MDGA2: variants seen among roughly 807,000 people sequenced by gnomAD.
The protein encoded by MDGA2 is MAM domain containing glycosylphosphatidylinositol anchor 2.
MDGA2 carries 40 observed loss-of-function variants against 117.8 expected under a neutral mutation model. The ratio of observed to expected loss-of-function variants is 0.34; its 90% CI spans 0.26 to 0.44. The LOEUF (loss-of-function observed/expected upper bound fraction) is 0.44, where lower values mean the gene tolerates loss of function less well. MDGA2 is among the 20% of genes least tolerant of loss of function. The pLI is 1.00. For synonymous variants in MDGA2, 452 were observed against 439.0 expected (o/e 1.03, Z -0.37); for missense variants, 1,123 against 1,250.6 (o/e 0.90, Z 1.54).
chr14:47,671,186 A>G (rs1330956559), intron 1 of MDGA2, among the ~76,000 whole-genome samples: 2 of 152,210 alleles, frequency 1.3e-5, no homozygotes, highest in Admixed American at 6.5e-5. Context: ...GTGACACCAT[A>G]TATAAATCTT....
At chr14:47,094,206 G>A (rs1345519565) in intron 6 of MDGA2, among the ~76,000 whole-genome samples, 1 of 151,950 alleles carries the variant, frequency 6.6e-6, no homozygotes, top group African/African-American at 2.4e-5. Context: ...TGAATTATGT[G>A]AATGCCACTG....
At chr14:47,259,178 T>C (rs1055707335) in intron 2 of MDGA2, among the ~76,000 whole-genome samples, 3 of 152,094 alleles carry the variant, frequency 2.0e-5, no homozygotes, top group African/African-American at 7.2e-5. Context: ...TTGCTCAGTA[T>C]GTGGATTTTT....
At chr14:47,112,724 T>C (rs1452097327) in intron 5 of MDGA2, among the ~76,000 whole-genome samples, 2 of 152,160 alleles carry the variant, frequency 1.3e-5, no homozygotes, top group South Asian at 2.1e-4. Context: ...ATCTTTATAA[T>C]AGAATGATTT....
intron 1 of MDGA2, among the ~76,000 whole-genome samples, chr14:47,327,651 T>C (rs1259340919): frequency 1.3e-5 from 2 of 152,204 alleles, no homozygotes; most frequent in East Asian, 1.9e-4. Flanking sequence ...TCACATCGTA[T>C]AATGCAAATT....
chr14:47,268,792 A>G (rs1293833656), intron 2 of MDGA2, among the ~76,000 whole-genome samples: 2 of 152,240 alleles, frequency 1.3e-5, no homozygotes, highest in Non-Finnish European at 2.9e-5. Flanking sequence ...CATTCTCTGC[A>G]TTAATGAAGC....
intron 3 of MDGA2, among the ~76,000 whole-genome samples, chr14:47,204,769 A>C (rs1885622957): frequency 6.6e-6 from 1 of 151,946 alleles, no homozygotes; most frequent in African/African-American, 2.4e-5. Flanking sequence ...GCTAAAAAGG[A>C]AAATGTGCTA....
chr14:46,943,318 G>T (rs913856900), intron 9 of MDGA2, among the ~76,000 whole-genome samples: 1 of 151,872 alleles, frequency 6.6e-6, no homozygotes, highest in African/African-American at 2.4e-5. Flanking sequence ...GTATCTTGTA[G>T]ATAGTGCATT....
chr14:47,020,439 T>G (rs533438283), intron 8 of MDGA2, among the ~76,000 whole-genome samples: 1 of 152,336 alleles, frequency 6.6e-6, no homozygotes, highest in South Asian at 2.1e-4. Flanking sequence ...GAATGTCTTA[T>G]GTAGAATTCT....
intron 1 of MDGA2, among the ~76,000 whole-genome samples, chr14:47,514,556 A>G (rs1894712149): frequency 6.6e-6 from 1 of 152,134 alleles, no homozygotes; most frequent in South Asian, 2.1e-4. Context: ...CTGGGACTAG[A>G]ATGATACCCA....
chr14:47,561,153 GTTTT>G (rs1895798299), intron 1 of MDGA2, among the ~76,000 whole-genome samples: 1 of 63,908 alleles, frequency 1.6e-5, no homozygotes, highest in African/African-American at 3.8e-5. Flanking sequence ...TTTTTTTTTT[GTTTT>G]GTTTTGTTTT....
At position 46,855,717 on chromosome 14, in the gene MDGA2, G is replaced by A. The variant is rs1414233995; in HGVS notation, c.2753-563C>T. 6.6e-6 allele frequency among the ~76,000 whole-genome samples: 1 copy of A among 152,068 alleles called. No homozygotes were observed. The highest frequency in any genetic ancestry group is 1.5e-5 in the Non-Finnish European group (1 of 67,998). ...CAGAATGATAAGCTAATAAATTTGTGTTGTTTTAGATCATGAAGTTGGTGA... is the reference window on the plus strand; with the variant it reads ...CAGAATGATAAGCTAATAAATTTGTATTGTTTTAGATCATGAAGTTGGTGA... On this transcript the variant is annotated intron_variant, in intron 14 of 16. Transcript: ENST00000399232. The surrounding 1 kb of genome is among the most constrained non-coding windows in gnomAD (Gnocchi z 4.1).
chr14:47,056,053 A>ATT (rs906606152), intron 7 of MDGA2, among the ~76,000 whole-genome samples: 9 of 152,130 alleles, frequency 5.9e-5, no homozygotes, highest in African/African-American at 2.2e-4. Context: ...CTGTCAGGGT[A>ATT]TTTTATGTGA....
At chr14:47,433,253 G>C (rs1446223830) in intron 1 of MDGA2, among the ~76,000 whole-genome samples, 1 of 151,974 alleles carries the variant, frequency 6.6e-6, no homozygotes, top group Non-Finnish European at 1.5e-5. Flanking sequence ...AAACAGCAGA[G>C]TTGTCCTTCT....
At chr14:47,346,319 G>A (rs187955745) in intron 1 of MDGA2, among the ~76,000 whole-genome samples, 101 of 152,116 alleles carry the variant, frequency 6.6e-4, no homozygotes, top group Non-Finnish European at 1.3e-3. Context: ...TCCAATAAGC[G>A]GTAACTATTA....
At chr14:47,631,720 G>A (rs983410103) in intron 1 of MDGA2, among the ~76,000 whole-genome samples, 9 of 151,962 alleles carry the variant, frequency 5.9e-5, no homozygotes, top group African/African-American at 2.2e-4. Flanking sequence ...CACTTTCCAG[G>A]CTTTTTCTCC....
Position 46,942,947 on chromosome 14 carries a change from TA to T in MDGA2, c.2089+14426del, listed in dbSNP as rs370692099. 1.2e-3 allele frequency among the ~76,000 whole-genome samples: 177 copies of T among 152,244 alleles called. 1 individual carries two copies. Among genetic ancestry groups the T allele is most frequent in the African/African-American group, 4.1e-3 (170 of 41,578 alleles). On this transcript the variant is annotated intron_variant, in intron 9 of 16. Coordinates refer to ENST00000399232, the MANE Select transcript of MDGA2 (RefSeq NM_001113498.3). ...GTATGCTTAAAATCTTCTAAAATAT[TA>T]GTGTTTTTTATCTCCATATTCTATC...
Position 47,118,096 on chromosome 14 carries a change from T to A in MDGA2, c.925+13618A>T, listed in dbSNP as rs150195187. ...TAAACTACAGACCTTGTAGTAGGTG[T>A]CATTACTTATTGACTTACCATAAAT... is the stretch of plus-strand genomic sequence containing the variant. On this transcript the variant is annotated intron_variant, in intron 5 of 16. Transcript: ENST00000399232. Among the ~76,000 whole-genome samples the A allele has an allele frequency of 1.4e-3, 208 of 152,320 alleles. No individual in the cohort carries two copies. The South Asian group carries it at 0.018, about 13-fold the overall frequency.
intron 3 of MDGA2, among the ~76,000 whole-genome samples, chr14:47,167,319 C>A (rs1883925280): frequency 1.3e-5 from 2 of 152,124 alleles, no homozygotes; most frequent in African/African-American, 4.8e-5. Flanking sequence ...GATCTTTGCT[C>A]TTCTCATAAA....
intron 1 of MDGA2, among the ~76,000 whole-genome samples, chr14:47,332,834 A>G (rs1890331930): frequency 1.3e-5 from 2 of 151,820 alleles, no homozygotes; most frequent in African/African-American, 2.4e-5. Context: ...TGAGTTTCCA[A>G]TAACTATTAT....
Sources: allele counts gnomAD v4.1 joint callset (sites outside exome capture counted in the v4.1 genomes callset), GRCh38; gene constraint gnomAD v4.1.1; non-coding constraint Gnocchi (gnomAD v3.1); transcripts MANE v1.5; gene names NCBI Gene and HGNC (gene_info 2026-07-23, HGNC 2026-07-21).